The following ZNF665 variants were observed in gnomAD, a reference collection of about 807,000 sequenced individuals.
ZNF665 encodes zinc finger protein 665.
Under a neutral mutation model 7.9 loss-of-function variants are expected in ZNF665, and 6 were observed. The observed-to-expected ratio is 0.76, with a 90% CI of 0.42 to 1.50. ZNF665 has a LOEUF of 1.50. Among genes scored for constraint, ZNF665 ranks in the 40% most tolerant of loss-of-function variants. The pLI is 0.01. For missense variants in ZNF665, 819 were observed against 806.7 expected (o/e 1.02, Z -0.18); for synonymous variants, 242 against 274.5 (o/e 0.88, Z 1.17).
In ZNF665 at chr19:53,163,660, T is replaced by C. The variant is rs1183372596; in HGVS notation, c.*793A>G. 6.6e-6 allele frequency: 1 copy of C among 152,236 alleles called. No homozygotes were observed. The highest frequency in any genetic ancestry group is 1.9e-4 in the East Asian group (1 of 5,198). 9.4% of individuals were successfully genotyped at this position (152,236 alleles called of 1,614,324 possible). A position where few individuals can be genotyped will look rare whatever the true frequency, so the allele number is the denominator to read the frequency against. ...TATAAATAGTAGCCTTTTCAATAAA[T>C]CTTAAATACTTCAACAAAACATTTT... On this transcript the variant is annotated 3_prime_UTR_variant, in exon 4 of 4. Transcript: ENST00000396424.
At chr19:53,168,244 TG>T (rs2090632829) in intron 3 of ZNF665, among the ~76,000 whole-genome samples, 1 of 152,036 alleles carries the variant, frequency 6.6e-6, no homozygotes, top group African/African-American at 2.4e-5. Context: ...CTAGAACTAG[TG>T]AGTTTAGCAA....
At chr19:53,189,785 C>T (rs2090802124) in intron 1 of ZNF665, among the ~76,000 whole-genome samples, 1 of 151,558 alleles carries the variant, frequency 6.6e-6, no homozygotes, top group Admixed American at 6.6e-5. Flanking sequence ...GAAAGGGAGA[C>T]TCCCTTCCCC....
intron 2 of ZNF665, chr19:53,182,011 T>C (rs2090740969): frequency 6.6e-6 from 1 of 152,258 alleles, no homozygotes; most frequent in Admixed American, 6.5e-5. Flanking sequence ...TATGAAAACA[T>C]TCATCCAATA....
At chr19:53,168,051 C>T (rs559547763) in intron 3 of ZNF665, among the ~76,000 whole-genome samples, 1 of 55,976 alleles carries the variant, frequency 1.8e-5, no homozygotes, top group Admixed American at 1.7e-4. Context: ...GCCTGACTCC[C>T]TCTCAAAAAA....
intron 3 of ZNF665, among the ~76,000 whole-genome samples, chr19:53,169,654 G>A (rs963902995): frequency 2.6e-5 from 4 of 151,986 alleles, no homozygotes; most frequent in Admixed American, 2.6e-4. Flanking sequence ...TTAGCATTAG[G>A]TGTATCTCCT....
chr19:53,164,884 G>T lies in ZNF665; in HGVS notation c.1606C>A (p.His536Asn). 6.2e-7 allele frequency: 1 copy of T among 1,614,152 alleles called. No individual in the cohort carries two copies. The highest frequency in any genetic ancestry group is 8.5e-7 in the Non-Finnish European group (1 of 1,180,036). The stretch of plus-strand genomic sequence containing the variant: ...CATTTGTATGGTTTTTGTCCAGTAT[G>T]TATTGTCTGATGTATAGTTAGGCTT... ...HSSLTIHQTIHTGQKPYKCND... is the reference protein window; with the variant it reads ...HSSLTIHQTINTGQKPYKCND... The change falls in exon 4 of 4, where the codon CAT becomes AAT. Residue 536 changes from histidine to asparagine, a missense_variant. By Grantham distance (68) the His-to-Asn change is moderately conservative. Coordinates refer to ENST00000396424, the MANE Select transcript of ZNF665 (RefSeq NM_024733.5).
chr19:53,169,795 G>C (rs545725810), intron 3 of ZNF665, among the ~76,000 whole-genome samples: 21 of 141,738 alleles, frequency 1.5e-4, no homozygotes, highest in Middle Eastern at 7.4e-3. Flanking sequence ...TTGGTTTTTT[G>C]TTCTTGCAAT....
chr19:53,180,896 G>A (rs1026305781), intron 2 of ZNF665: 6 of 152,078 alleles, frequency 3.9e-5, no homozygotes, highest in African/African-American at 1.4e-4. Context: ...GGAGGTTTTA[G>A]TTTATTTTAC....
rs1028863211 is a variant in ZNF665 at position 53,183,034 on chromosome 19, G to T, written c.-45-91C>A. ...TAGAATCAACACACCCCCTCCCTGG[G>T]CCATAACCTTATACACAGGGAAGAC... On this transcript the variant is annotated intron_variant, in intron 1 of 3. Transcript: ENST00000396424. The T allele has an allele frequency of 3.0e-5, 40 of 1,351,848 alleles. No homozygotes were observed. In the Middle Eastern group the frequency reaches 5.3e-4, roughly 18 times the overall value. The allele number at this position is 1,351,848 out of a possible 1,614,324, so 83.7% of individuals were successfully genotyped here. A position where few individuals can be genotyped will look rare whatever the true frequency, so the allele number is the denominator to read the frequency against.
chr19:53,164,444 G>A lies in ZNF665; in HGVS notation c.*9C>T, dbSNP rs1020110499. ...TGAGCCACCACGCCCGGCGTCCTTT[G>A]TAAGGTTTCTATCCACTATGAATTC... On this transcript the variant is annotated 3_prime_UTR_variant, in exon 4 of 4. Coordinates refer to ENST00000396424, the MANE Select transcript of ZNF665 (RefSeq NM_024733.5). 2.6e-6 allele frequency: 4 copies of A among 1,558,632 alleles called. No individual in the cohort carries two copies. The highest frequency in any genetic ancestry group is 3.5e-6 in the Non-Finnish European group (4 of 1,153,366).
rs769859180 is a variant in ZNF665 at position 53,175,520 on chromosome 19, T to A, written c.67A>T (p.Thr23Ser). The A allele has an allele frequency of 3.8e-5, 62 of 1,611,808 alleles. No homozygotes were observed. Among genetic ancestry groups the A allele is most frequent in the Non-Finnish European group, 5.1e-5 (60 of 1,179,366 alleles). The change falls in exon 3 of 4, where the codon ACA becomes TCA. Residue 23 changes from threonine (T) to serine (S), a missense_variant. By Grantham distance (58) the Thr-to-Ser change is moderately conservative (BLOSUM62 1). Coordinates refer to ENST00000396424, the MANE Select transcript of ZNF665 (RefSeq NM_024733.5). ...GTCTTCTGAGCAGGGTCCAGGCATGTCCACTCCTCCTGAGAGAATTCTATG... is the reference window on the plus strand; with the variant it reads ...GTCTTCTGAGCAGGGTCCAGGCATGACCACTCCTCCTGAGAGAATTCTATG... ...VAIEFSQEEWTCLDPAQKTLY... is the reference protein window; with the variant it reads ...VAIEFSQEEWSCLDPAQKTLY...
intron 3 of ZNF665, among the ~76,000 whole-genome samples, chr19:53,169,408 T>C (rs2090640701): frequency 6.6e-6 from 1 of 152,162 alleles, no homozygotes; most frequent in Non-Finnish European, 1.5e-5. Flanking sequence ...TACCAAGTGT[T>C]AACAAGGATG....
chr19:53,183,198 C>A (rs1400229831), intron 1 of ZNF665, among the ~76,000 whole-genome samples: 2 of 152,304 alleles, frequency 1.3e-5, no homozygotes, highest in East Asian at 3.9e-4. Context: ...AGCCCCCACA[C>A]AGGCTGCAGC....
At position 53,165,616 on chromosome 19, in the gene ZNF665, A is replaced by G. The variant is rs1167005357; in HGVS notation, c.874T>C (p.Cys292Arg). Residue 292 changes from cysteine to arginine, a missense_variant, in exon 4 of 4, where the codon TGT (cysteine) becomes CGT (arginine). Cys to Arg is a radical substitution (Grantham distance 180, BLOSUM62 -3). Coordinates refer to ENST00000396424, the MANE Select transcript of ZNF665 (RefSeq NM_024733.5). ...VIHTGEKPYK[C>R]KECGKCFTQN... Reference sequence around the variant, plus strand: ...GTGAAGCACTTGCCACATTCCTTACATTTGTAAGGTTTTTCTCCAGTATGG... The same window carrying G: ...GTGAAGCACTTGCCACATTCCTTACGTTTGTAAGGTTTTTCTCCAGTATGG... 1 of 1,613,946 alleles carries G rather than the reference A, an allele frequency of 6.2e-7. No individual in the cohort carries two copies. Among genetic ancestry groups the G allele is most frequent in the Non-Finnish European group, 8.5e-7 (1 of 1,180,020 alleles).
rs764720509 is a variant in ZNF665 at position 53,166,299 on chromosome 19, T to C, written c.191A>G (p.Asn64Ser). 6.2e-7 allele frequency: 1 copy of C among 1,600,922 alleles called. No homozygotes were observed. The highest frequency in any genetic ancestry group is 8.5e-7 in the Non-Finnish European group (1 of 1,174,760). ...CGTGTAGAACGCTTCTCCCATATTG[T>C]TCTTCCCCTTTGGTGGCAAATCCGT... ...VNTDLPPKGK[N>S]NMGEAFYTVK... The change falls in exon 4 of 4, where the codon AAC becomes AGC. Residue 64 changes from asparagine (N) to serine (S), a missense_variant. By Grantham distance (46) the Asn-to-Ser change is conservative. Transcript: ENST00000396424.
chr19:53,171,992 G>T (rs546026322), intron 3 of ZNF665, among the ~76,000 whole-genome samples: 3 of 152,218 alleles, frequency 2.0e-5, no homozygotes, highest in Admixed American at 2.0e-4. Flanking sequence ...GACCTCAGGT[G>T]ATCCACACAC....
chr19:53,163,663 T>G lies in ZNF665; in HGVS notation c.*790A>C, dbSNP rs891505631. 6.6e-6 allele frequency: 1 copy of G among 152,228 alleles called. No homozygotes were observed. Among genetic ancestry groups the G allele is most frequent in the African/African-American group, 2.4e-5 (1 of 41,458 alleles). The allele number at this position is 152,228 out of a possible 1,614,324, so 9.4% of individuals were successfully genotyped here. A position where few individuals can be genotyped will look rare whatever the true frequency, so the allele number is the denominator to read the frequency against. On this transcript the variant is annotated 3_prime_UTR_variant, in exon 4 of 4. Coordinates refer to ENST00000396424, the MANE Select transcript of ZNF665 (RefSeq NM_024733.5). ...AAATAGTAGCCTTTTCAATAAATCTTAAATACTTCAACAAAACATTTTATA... is the reference window on the plus strand; with the variant it reads ...AAATAGTAGCCTTTTCAATAAATCTGAAATACTTCAACAAAACATTTTATA...
At chr19:53,176,916 T>A (rs777687783) in intron 2 of ZNF665, among the ~76,000 whole-genome samples, 4 of 152,084 alleles carry the variant, frequency 2.6e-5, no homozygotes, top group Non-Finnish European at 4.4e-5. Context: ...GGTCAGGAGT[T>A]CGAGACGAGC....
At chr19:53,191,258 C>T (rs1220892252) in intron 1 of ZNF665, among the ~76,000 whole-genome samples, 9 of 152,062 alleles carry the variant, frequency 5.9e-5, no homozygotes, top group Non-Finnish European at 1.0e-4. Flanking sequence ...TGATGAGAGG[C>T]GATGCATTCT....
Sources: gnomAD v4.1 joint callset for allele counts (sites outside exome capture counted in the v4.1 genomes callset) on GRCh38, gnomAD v4.1.1 for gene constraint, MANE v1.5 for transcripts, NCBI Gene and HGNC (gene_info 2026-07-23, HGNC 2026-07-21) for gene names.